The following LRMDA variants were observed in gnomAD, a reference collection of about 807,000 sequenced individuals.
LRMDA encodes leucine-rich melanocyte differentiation-associated protein.
In LRMDA, 18 loss-of-function variants were observed where a neutral mutation model predicts 29.8. The ratio of observed to expected loss-of-function variants is 0.60; its 90% CI spans 0.42 to 0.90. The LOEUF (loss-of-function observed/expected upper bound fraction) is 0.90. Among genes scored for constraint, LRMDA ranks in the 40% least tolerant of loss-of-function variants. The pLI is 0.00. For synonymous variants in LRMDA, 125 were observed against 109.4 expected (o/e 1.14, Z -0.89); for missense variants, 273 against 273.9 (o/e 1.00, Z 0.02).
intron 2 of LRMDA, among the ~76,000 whole-genome samples, chr10:75,665,945 T>C (rs1841816691): frequency 6.6e-6 from 1 of 152,216 alleles, no homozygotes; most frequent in South Asian, 2.1e-4. Context: ...GTATTCCAGA[T>C]GGCCTGTATA....
chr10:75,856,702 A>G (rs115765719), intron 2 of LRMDA, among the ~76,000 whole-genome samples: 457 of 152,340 alleles, frequency 3.0e-3, no homozygotes, highest in African/African-American at 0.011. Context: ...AGAGGTGTCT[A>G]TGACAAACCC....
intron 2 of LRMDA, among the ~76,000 whole-genome samples, chr10:75,683,629 A>G (rs947584567): frequency 6.6e-6 from 1 of 152,352 alleles, no homozygotes; most frequent in South Asian, 2.1e-4. Context: ...CAAGGTTCCT[A>G]GGTGGTGTTC....
chr10:75,902,151 T>C (rs9416098), intron 2 of LRMDA, among the ~76,000 whole-genome samples: 95,985 of 152,034 alleles, frequency 0.63, 33,163 homozygotes, highest in East Asian at 0.93. Flanking sequence ...ATCCAAGGTC[T>C]ACCCACCAAT....
At chr10:76,118,260 CAG>C (rs35115848) in intron 5 of LRMDA, among the ~76,000 whole-genome samples, 3,126 of 152,196 alleles carry the variant, frequency 0.021, 50 homozygotes, top group Middle Eastern at 0.037. Flanking sequence ...ATTTCTTGAG[CAG>C]AGAGAGAGGA....
rs577316418 is a variant in LRMDA at position 75,503,184 on chromosome 10, G to GTT, written c.131+64703_131+64704dup. 5.7e-4 allele frequency among the ~76,000 whole-genome samples: 82 copies of GTT among 144,578 alleles called. 1 individual carries two copies. In the East Asian group the frequency reaches 8.5e-3, roughly 15 times the overall value. The allele number at this position is 144,578 out of a possible 152,430, so 94.8% of individuals were successfully genotyped here. A position where few individuals can be genotyped will look rare whatever the true frequency, so the allele number is the denominator to read the frequency against. On this transcript the variant is annotated intron_variant, in intron 2 of 6. Transcript: ENST00000611255. ...GCTGCCCACTGTTAGTTGATAGCCT[G>GTT]TTTTTTTTTTTTTTATTATTACAGG...
chr10:76,114,402 C>G (rs1849630921), intron 5 of LRMDA, among the ~76,000 whole-genome samples: 1 of 152,148 alleles, frequency 6.6e-6, no homozygotes, highest in Non-Finnish European at 1.5e-5. Flanking sequence ...TCATTCACCC[C>G]AAAATATCCA....
intron 6 of LRMDA, among the ~76,000 whole-genome samples, chr10:76,394,180 C>T (rs1841756227): frequency 6.6e-6 from 1 of 152,108 alleles, no homozygotes; most frequent in South Asian, 2.1e-4. Flanking sequence ...AAAAGGCATT[C>T]TCAGAAACTG....
chr10:76,092,990 A>G (rs1849254708), intron 5 of LRMDA, among the ~76,000 whole-genome samples: 1 of 152,168 alleles, frequency 6.6e-6, no homozygotes, highest in Non-Finnish European at 1.5e-5. Flanking sequence ...CTCCCTGGAA[A>G]ACATTACTGA....
rs373544406 is a variant in LRMDA, at chr10:75,635,357, G to A, written c.131+196863G>A. On this transcript the variant is annotated intron_variant, in intron 2 of 6. Transcript: ENST00000611255. Reference sequence around the variant, plus strand: ...GTCTGCAAGCAGGATTTGGCCTTTCGCATGGTATGATGGCCTTGTTTTCTC... The same window carrying A: ...GTCTGCAAGCAGGATTTGGCCTTTCACATGGTATGATGGCCTTGTTTTCTC... 3.9e-5 allele frequency among the ~76,000 whole-genome samples: 6 copies of A among 152,140 alleles called. No individual in the cohort carries two copies. In the East Asian group the frequency reaches 1.2e-3, roughly 29 times the overall value.
intron 5 of LRMDA, among the ~76,000 whole-genome samples, chr10:76,113,487 C>T (rs1474477190): frequency 2.0e-5 from 3 of 152,054 alleles, no homozygotes; most frequent in East Asian, 1.9e-4. Context: ...AAAAACCAAC[C>T]TGAGAGTGGT....
intron 6 of LRMDA, among the ~76,000 whole-genome samples, chr10:76,420,375 T>C (rs1842060421): frequency 6.6e-6 from 1 of 151,986 alleles, no homozygotes; most frequent in Admixed American, 6.6e-5. Context: ...GGTACTATAT[T>C]GATACTCCCC....
intron 2 of LRMDA, among the ~76,000 whole-genome samples, chr10:75,616,343 G>A (rs758223554): frequency 3.9e-5 from 6 of 152,312 alleles, no homozygotes; most frequent in Admixed American, 1.3e-4. Flanking sequence ...ACCTGGCTCC[G>A]CCCTTGACAT....
chr10:75,949,455 A>G (rs1377065728), intron 2 of LRMDA, among the ~76,000 whole-genome samples: 3 of 152,196 alleles, frequency 2.0e-5, no homozygotes, highest in Non-Finnish European at 4.4e-5. Context: ...ATGTGCTTCA[A>G]AGAGCAGCGT....
At chr10:75,887,249 T>C (rs1409646890) in intron 2 of LRMDA, among the ~76,000 whole-genome samples, 1 of 151,790 alleles carries the variant, frequency 6.6e-6, no homozygotes, top group Non-Finnish European at 1.5e-5. Flanking sequence ...TGGAGAGATG[T>C]GGTGACTGCT....
intron 2 of LRMDA, among the ~76,000 whole-genome samples, chr10:75,623,811 T>G (rs1430331): frequency 0.71 from 107,656 of 152,146 alleles, 38,348 homozygotes; most frequent in East Asian, 0.79. Flanking sequence ...GTGGTTTCTT[T>G]TTAGCTGAGC....
At chr10:75,757,798 C>CT (rs139801931) in intron 2 of LRMDA, among the ~76,000 whole-genome samples, 2,276 of 140,002 alleles carry the variant, frequency 0.016, 29 homozygotes, top group Admixed American at 0.039. Context: ...AATTTTCTTT[C>CT]TTTTTTTTTT....
chr10:76,279,007 G>T (rs559524513), intron 5 of LRMDA, among the ~76,000 whole-genome samples: 2 of 152,198 alleles, frequency 1.3e-5, no homozygotes, highest in African/African-American at 4.8e-5. Context: ...CATTTATTTT[G>T]TTTCCTTGTC....
At chr10:76,145,431 G>T (rs1433329139) in intron 5 of LRMDA, among the ~76,000 whole-genome samples, 1 of 152,062 alleles carries the variant, frequency 6.6e-6, no homozygotes, top group Admixed American at 6.5e-5. Context: ...GGGTGTATGT[G>T]TCAAGGAATT....
At chr10:76,545,161 T>C (rs562511746) in intron 6 of LRMDA, among the ~76,000 whole-genome samples, 2 of 114,276 alleles carry the variant, frequency 1.8e-5, no homozygotes, top group South Asian at 6.0e-4. Context: ...AAAGGTTTCT[T>C]TTTTTTTGTT....
Sources: gnomAD v4.1 joint callset for allele counts (sites outside exome capture counted in the v4.1 genomes callset) on GRCh38, gnomAD v4.1.1 for gene constraint, MANE v1.5 for transcripts, NCBI Gene and HGNC (gene_info 2026-07-23, HGNC 2026-07-21) for gene names.